INPP4B: variants seen among roughly 807,000 people sequenced by gnomAD.
INPP4B encodes inositol polyphosphate-4-phosphatase type II B.
A neutral mutation model predicts 122.5 loss-of-function variants in INPP4B; 55 were observed. That is an observed-to-expected ratio of 0.45 (90% CI 0.36 to 0.56). The LOEUF is 0.56. Among genes scored for constraint, INPP4B ranks in the 20% least tolerant of loss-of-function variants. INPP4B has a pLI of 0.00. For synonymous variants in INPP4B, 403 were observed against 388.7 expected (o/e 1.04, Z -0.43); for missense variants, 1,000 against 1,097.7 (o/e 0.91, Z 1.26).
chr4:142,230,999 T>G (rs1003950332), intron 12 of INPP4B, among the ~76,000 whole-genome samples: 1 of 142,328 alleles, frequency 7.0e-6, no homozygotes. Context: ...AAAACTGCTA[T>G]GTTTCAAACT....
At chr4:142,669,770 C>A (rs1756713526) in intron 2 of INPP4B, among the ~76,000 whole-genome samples, 1 of 152,060 alleles carries the variant, frequency 6.6e-6, no homozygotes, top group Non-Finnish European at 1.5e-5. Context: ...TTGGATATTA[C>A]CCCAAAAGCA....
At chr4:142,756,936 A>G (rs1438406020) in intron 1 of INPP4B, among the ~76,000 whole-genome samples, 3 of 152,140 alleles carry the variant, frequency 2.0e-5, no homozygotes, top group Non-Finnish European at 4.4e-5. Context: ...TCTAAAAAGG[A>G]GTCCTACTGG....
intron 2 of INPP4B, among the ~76,000 whole-genome samples, chr4:142,546,387 C>T (rs754008434): frequency 1.3e-5 from 2 of 151,990 alleles, no homozygotes; most frequent in African/African-American, 4.8e-5. Flanking sequence ...GAATAATACA[C>T]AATGAACATA....
intron 1 of INPP4B, among the ~76,000 whole-genome samples, chr4:142,792,236 ACT>A (rs1269812190): frequency 6.6e-6 from 1 of 151,966 alleles, no homozygotes; most frequent in Non-Finnish European, 1.5e-5. Flanking sequence ...ACAGAGTAAG[ACT>A]CTATAAATAA....
chr4:142,615,182 C>A (rs868545915), intron 2 of INPP4B, among the ~76,000 whole-genome samples: 1 of 151,888 alleles, frequency 6.6e-6, no homozygotes, highest in Non-Finnish European at 1.5e-5. Context: ...GACTATGTAC[C>A]GAGGAACACA....
chr4:142,073,308 A>G (rs1452639519), intron 25 of INPP4B, among the ~76,000 whole-genome samples: 1 of 152,106 alleles, frequency 6.6e-6, no homozygotes, highest in Non-Finnish European at 1.5e-5. Context: ...ACATTAATAT[A>G]TTATGCCTAG....
chr4:142,110,054 T>A (rs146910912), intron 22 of INPP4B, among the ~76,000 whole-genome samples: 4 of 152,298 alleles, frequency 2.6e-5, no homozygotes, highest in African/African-American at 9.6e-5. Context: ...CCATCCTTGC[T>A]GGAGTAACAT....
chr4:142,451,751 A>G (rs1814282470), intron 3 of INPP4B, among the ~76,000 whole-genome samples: 1 of 152,200 alleles, frequency 6.6e-6, no homozygotes, highest in Non-Finnish European at 1.5e-5. Flanking sequence ...ATTGACAGTT[A>G]AAAGGACAGC....
intron 1 of INPP4B, among the ~76,000 whole-genome samples, chr4:142,782,673 T>C (rs1775064414): frequency 6.6e-6 from 1 of 152,090 alleles, no homozygotes. Context: ...ATGATTGCCA[T>C]TCTAACTGGT....
chr4:142,093,316 A>G (rs1780390475), intron 23 of INPP4B, among the ~76,000 whole-genome samples: 1 of 152,132 alleles, frequency 6.6e-6, no homozygotes. Context: ...GACATCATGG[A>G]GCAGAGAGAA....
At chr4:142,533,488 C>T (rs1827854898) in intron 2 of INPP4B, among the ~76,000 whole-genome samples, 1 of 151,656 alleles carries the variant, frequency 6.6e-6, no homozygotes, top group Non-Finnish European at 1.5e-5. Context: ...AAAAATAATG[C>T]TGAGCTTTAT....
At chr4:142,216,648 C>T (rs1412840153) in intron 12 of INPP4B, among the ~76,000 whole-genome samples, 1 of 152,138 alleles carries the variant, frequency 6.6e-6, no homozygotes, top group Admixed American at 6.5e-5. Context: ...TTCAAAAACA[C>T]ATGCTTTTTA....
intron 1 of INPP4B, among the ~76,000 whole-genome samples, chr4:142,741,282 A>G (rs1189752237): frequency 2.0e-5 from 3 of 151,996 alleles, no homozygotes; most frequent in African/African-American, 7.2e-5. Context: ...AACATGGTGG[A>G]GGGTGAAGAG....
intron 11 of INPP4B, among the ~76,000 whole-genome samples, chr4:142,245,223 A>T (rs1247592228): frequency 6.6e-6 from 1 of 152,012 alleles, no homozygotes; most frequent in East Asian, 1.9e-4. Flanking sequence ...CTTTAATTAG[A>T]TCCCATTTGT....
chr4:142,739,091 C>T (rs1174545855), intron 1 of INPP4B, among the ~76,000 whole-genome samples: 1 of 152,028 alleles, frequency 6.6e-6, no homozygotes, highest in East Asian at 1.9e-4. Context: ...AAATAAAACC[C>T]TCAAAGAGAA....
At chr4:142,742,403 T>C (rs1768034766) in intron 1 of INPP4B, among the ~76,000 whole-genome samples, 1 of 151,970 alleles carries the variant, frequency 6.6e-6, no homozygotes, top group South Asian at 2.1e-4. Flanking sequence ...TTTTTCTGAT[T>C]CCAACTAACA....
intron 7 of INPP4B, among the ~76,000 whole-genome samples, chr4:142,338,794 G>A (rs998831563): frequency 2.6e-5 from 4 of 152,118 alleles, no homozygotes; most frequent in Non-Finnish European, 4.4e-5. Flanking sequence ...TGAGCCAAGC[G>A]CTCTTCTACT....
chr4:142,674,729 G>A (rs1315717247), intron 2 of INPP4B, among the ~76,000 whole-genome samples: 1 of 152,080 alleles, frequency 6.6e-6, no homozygotes, highest in Admixed American at 6.6e-5. Context: ...ACTCAAAACT[G>A]CACAACTACA....
At chr4:142,524,767 C>A (rs1826633561) in intron 2 of INPP4B, among the ~76,000 whole-genome samples, 1 of 151,906 alleles carries the variant, frequency 6.6e-6, no homozygotes, top group East Asian at 1.9e-4. Context: ...TATGACAAAC[C>A]CACAGCCAAT....
Sources: allele counts gnomAD v4.1 joint callset (sites outside exome capture counted in the v4.1 genomes callset), GRCh38; gene constraint gnomAD v4.1.1; transcripts MANE v1.5; gene names NCBI Gene and HGNC (gene_info 2026-07-23, HGNC 2026-07-21).